The following RHPN2 variants were observed in gnomAD, a reference collection of about 807,000 sequenced individuals.
RHPN2 encodes rhophilin-2.
In RHPN2, 40 loss-of-function variants were observed where a neutral mutation model predicts 79.0. That is an observed-to-expected ratio of 0.51 (90% CI 0.39 to 0.66). The LOEUF (loss-of-function observed/expected upper bound fraction) is 0.66. Among genes scored for constraint, RHPN2 ranks in the 30% least tolerant of loss-of-function variants. The pLI, the probability that RHPN2 is intolerant of heterozygous loss-of-function variation, is 0.00. For synonymous variants in RHPN2, 285 were observed against 363.5 expected (o/e 0.78, Z 2.46); for missense variants, 686 against 883.5 (o/e 0.78, Z 2.83).
intron 14 of RHPN2, among the ~76,000 whole-genome samples, chr19:32,981,428 G>GGGC (rs1971573482): frequency 9.7e-6 from 1 of 102,752 alleles, no homozygotes; most frequent in Non-Finnish European, 1.9e-5. Context: ...GGGGGGGGGC[G>GGGC]GGGGGAAGGG....
chr19:33,054,113 G>A (rs1047933909), intron 1 of RHPN2, among the ~76,000 whole-genome samples: 2 of 150,570 alleles, frequency 1.3e-5, no homozygotes, highest in Non-Finnish European at 3.0e-5. Context: ...TCTGTCCACC[G>A]TGGCCTCCTA....
intron 1 of RHPN2, among the ~76,000 whole-genome samples, chr19:33,054,682 T>C (rs1351182590): frequency 6.6e-6 from 1 of 152,230 alleles, no homozygotes; most frequent in Non-Finnish European, 1.5e-5. Flanking sequence ...AGCCTCTGGC[T>C]GAGCGGTACC....
chr19:33,026,949 C>T (rs929646366), intron 2 of RHPN2: 1 of 353,370 alleles, frequency 2.8e-6, no homozygotes, highest in Non-Finnish European at 5.6e-6. Context: ...CATAAGATAC[C>T]CACTTGAAAA....
chr19:32,987,625 A>G (rs1474703803), intron 14 of RHPN2, among the ~76,000 whole-genome samples: 2 of 152,158 alleles, frequency 1.3e-5, no homozygotes, highest in East Asian at 3.8e-4. Context: ...CTTCTCTTCC[A>G]ACTGATCTCT....
chr19:33,018,979 C>T (rs181601955), intron 4 of RHPN2, among the ~76,000 whole-genome samples: 2 of 144,998 alleles, frequency 1.4e-5, no homozygotes, highest in East Asian at 4.0e-4. Flanking sequence ...TGCAGTGAGC[C>T]GAGATGCCGT....
intron 4 of RHPN2, among the ~76,000 whole-genome samples, chr19:33,016,137 A>G (rs578047767): frequency 8.6e-4 from 131 of 152,306 alleles, no homozygotes; most frequent in African/African-American, 3.1e-3. Context: ...GGATAAAATT[A>G]ATATAATTAA....
chr19:33,057,119 C>CA (rs35713211), intron 1 of RHPN2, among the ~76,000 whole-genome samples: 388 of 95,866 alleles, frequency 4.0e-3, no homozygotes, highest in Middle Eastern at 5.8e-3. Context: ...GACTCTGTCT[C>CA]AAAAAAAAAA....
At chr19:33,013,365 T>C (rs1420930093) in intron 4 of RHPN2, among the ~76,000 whole-genome samples, 1 of 151,872 alleles carries the variant, frequency 6.6e-6, no homozygotes, top group Non-Finnish European at 1.5e-5. Context: ...CAGCTAATTT[T>C]TGTATTTTTA....
intron 4 of RHPN2, among the ~76,000 whole-genome samples, chr19:33,013,650 C>T (rs1417501335): frequency 2.0e-5 from 3 of 152,008 alleles, no homozygotes; most frequent in Non-Finnish European, 4.4e-5. Flanking sequence ...CCCAGGAGTT[C>T]GAGACCAGTC....
chr19:32,991,267 C>T (rs1399941067), intron 13 of RHPN2: 1 of 193,464 alleles, frequency 5.2e-6, no homozygotes, highest in Non-Finnish European at 1.1e-5. Flanking sequence ...ACCATCCTGG[C>T]TAACACAGTG....
intron 10 of RHPN2, among the ~76,000 whole-genome samples, chr19:32,998,181 C>T (rs147205196): frequency 6.6e-6 from 1 of 152,122 alleles, no homozygotes; most frequent in African/African-American, 2.4e-5. Context: ...GGGGATGCCA[C>T]GAGACGCACC....
At chr19:32,994,490 G>A (rs1414662549) in intron 11 of RHPN2, among the ~76,000 whole-genome samples, 1 of 152,100 alleles carries the variant, frequency 6.6e-6, no homozygotes, top group Admixed American at 6.6e-5. Context: ...AGAAGAAGAT[G>A]GAACAGAGCT....
At chr19:33,019,706 G>C (rs761826668) in intron 4 of RHPN2, among the ~76,000 whole-genome samples, 6 of 152,044 alleles carry the variant, frequency 3.9e-5, no homozygotes, top group Non-Finnish European at 7.4e-5. Context: ...AGGGGTTGCA[G>C]TGAGCCGAGA....
At chr19:33,012,302 A>G (rs1168971425) in intron 5 of RHPN2, among the ~76,000 whole-genome samples, 3 of 151,932 alleles carry the variant, frequency 2.0e-5, no homozygotes, top group Non-Finnish European at 4.4e-5. Flanking sequence ...TCAGCCTCCC[A>G]AAGTGCTGGA....
intron 9 of RHPN2, 32 bp from the exon 10 acceptor site, chr19:32,999,737 T>G (rs768401957): frequency 4.4e-5 from 70 of 1,605,764 alleles, no homozygotes; most frequent in Non-Finnish European, 5.7e-5. Context: ...AAATCCCCTC[T>G]CATGGACCTG....
intron 1 of RHPN2, among the ~76,000 whole-genome samples, chr19:33,061,736 A>G (rs1972282204): frequency 6.6e-6 from 1 of 152,106 alleles, no homozygotes; most frequent in Non-Finnish European, 1.5e-5. Flanking sequence ...CACCTGCCTC[A>G]GCATCTCAAA....
chr19:33,047,831 G>A (rs1021097355), intron 1 of RHPN2, among the ~76,000 whole-genome samples: 1 of 152,140 alleles, frequency 6.6e-6, no homozygotes, highest in Non-Finnish European at 1.5e-5. Flanking sequence ...AGGATCGCTT[G>A]AGGCCAGGAG....
In RHPN2 at chr19:33,026,609, C is replaced by T. The variant is rs28626308; in HGVS notation, c.209G>A (p.Arg70Gln). 0.067 allele frequency: 108,398 copies of T among 1,607,944 alleles called. 5,933 individuals are homozygous for T. The highest frequency in any genetic ancestry group is 0.24 in the South Asian group (22,256 of 91,040). Residue 70 changes from arginine (R) to glutamine (Q), a missense_variant, in exon 3 of 15, where the codon CGG (arginine) becomes CAG (glutamine). Arg to Gln is a conservative substitution (Grantham distance 43, BLOSUM62 1). Coordinates refer to ENST00000254260, the MANE Select transcript of RHPN2 (RefSeq NM_033103.5). ...LLKVATNSKVREQVRLELSFV... is the reference protein window; with the variant it reads ...LLKVATNSKVQEQVRLELSFV... ...GCTCAGCTCCAGCCGCACTTGCTCC[C>T]GCACCTTTGAGTTTGTGGCCACTCT...
At chr19:33,060,526 C>A (rs184966469) in intron 1 of RHPN2, among the ~76,000 whole-genome samples, 3 of 150,904 alleles carry the variant, frequency 2.0e-5, no homozygotes, top group Admixed American at 6.6e-5. Context: ...ACGGCCGTTT[C>A]TTTGTTTGTT....
Sources: allele counts gnomAD v4.1 joint callset (sites outside exome capture counted in the v4.1 genomes callset), GRCh38; gene constraint gnomAD v4.1.1; transcripts MANE v1.5; gene names NCBI Gene and HGNC (gene_info 2026-07-23, HGNC 2026-07-21).